The following ANOS1 variants were observed in gnomAD, a reference collection of about 807,000 sequenced individuals.
ANOS1 encodes the protein anosmin 1, also known as anosmin-1.
A neutral mutation model predicts 59.0 loss-of-function variants in ANOS1; 6 were observed. The ratio of observed to expected loss-of-function variants is 0.10; its 90% CI spans 0.06 to 0.20. ANOS1 has a LOEUF of 0.20. ANOS1 is among the 10% of genes least tolerant of loss of function. The pLI is 1.00. For synonymous variants in ANOS1, 217 were observed against 223.4 expected, an observed-to-expected ratio of 0.97 and a Z score of 0.25; for missense variants, 433 against 542.3, an observed-to-expected ratio of 0.80 and a Z score of 2.00.
chrX:8,677,481 T>A (rs73199059), intron 2 of ANOS1, among the ~76,000 whole-genome samples: 1 of 111,678 alleles, frequency 9.0e-6, no homozygotes, highest in Non-Finnish European at 1.9e-5. Flanking sequence ...AAGATAAATG[T>A]TGGACGGATG....
chrX:8,603,888 G>C (rs954785071), intron 3 of ANOS1, among the ~76,000 whole-genome samples: 2 of 111,454 alleles, frequency 1.8e-5, no homozygotes, highest in Non-Finnish European at 3.8e-5. Flanking sequence ...TTCCTAAAGT[G>C]AGTGCTCCAT....
At chrX:8,699,677 A>G in intron 2 of ANOS1, 21 bp downstream of exon 2, 2 of 1,167,634 alleles carry the variant, frequency 1.7e-6, no homozygotes, top group East Asian at 3.0e-5. Context: ...TGCACCATTC[A>G]TACAGGTATA....
chrX:8,594,241 T>C (rs1196508792), intron 4 of ANOS1, among the ~76,000 whole-genome samples: 2 of 110,562 alleles, frequency 1.8e-5, no homozygotes, highest in East Asian at 5.8e-4. Context: ...GGAGGCAATC[T>C]TATTTCACAT....
At chrX:8,633,512 T>C (rs924190639) in intron 2 of ANOS1, among the ~76,000 whole-genome samples, 1 of 112,033 alleles carries the variant, frequency 8.9e-6, no homozygotes, top group African/African-American at 3.2e-5. Flanking sequence ...TCTTCTAATA[T>C]GGCATTTTTG....
intron 3 of ANOS1, among the ~76,000 whole-genome samples, chrX:8,608,624 T>G (rs761684582): frequency 9.8e-5 from 11 of 112,251 alleles, no homozygotes; most frequent in Non-Finnish European, 2.1e-4. Flanking sequence ...AGAAACTAAC[T>G]GATATGATTA....
chrX:8,588,680 A>C (rs182587803), intron 4 of ANOS1, among the ~76,000 whole-genome samples: 162 of 112,409 alleles, frequency 1.4e-3, no homozygotes, highest in African/African-American at 4.9e-3. Flanking sequence ...AGTTTCTCAC[A>C]GGTGTTTCAT....
chrX:8,556,595 A>T (rs1929954038), intron 8 of ANOS1, among the ~76,000 whole-genome samples: 1 of 111,497 alleles, frequency 9.0e-6, no homozygotes, highest in African/African-American at 3.3e-5. Context: ...AAAGACAATA[A>T]AATACCTAGG....
intron 2 of ANOS1, among the ~76,000 whole-genome samples, chrX:8,632,767 G>A (rs1336686673): frequency 1.9e-5 from 2 of 102,833 alleles, no homozygotes; most frequent in African/African-American, 7.7e-5. Context: ...TAAGCCTTGG[G>A]GTTCTTAAAA....
chrX:8,576,140 C>T (rs778276474), intron 6 of ANOS1, among the ~76,000 whole-genome samples: 26 of 110,343 alleles, frequency 2.4e-4, no homozygotes, highest in Non-Finnish European at 1.7e-4. Context: ...GAAAACAAAA[C>T]CAAAAGAGAG....
At chrX:8,657,492 G>A (rs1305968852) in intron 2 of ANOS1, among the ~76,000 whole-genome samples, 7 of 91,443 alleles carry the variant, frequency 7.7e-5, no homozygotes, top group Admixed American at 3.7e-4. Flanking sequence ...TTTTTTTTAC[G>A]GAGTCTTGCT....
chrX:8,558,671 C>T (rs755345950), intron 8 of ANOS1, among the ~76,000 whole-genome samples: 170 of 111,203 alleles, frequency 1.5e-3, no homozygotes, highest in African/African-American at 5.3e-3. Context: ...AAAACCTATA[C>T]GTAATGTGGA....
At position 8,597,232 on chromosome X, in the gene ANOS1, C is replaced by T. The variant is rs1230216620; in HGVS notation, c.343G>A (p.Glu115Lys). The T allele has an allele frequency of 1.9e-5, 23 of 1,208,797 alleles. No homozygotes were observed. Among genetic ancestry groups the T allele is most frequent in the East Asian group, 3.0e-5 (1 of 33,766 alleles). ...CEPLFPKKSY[E>K]CLTSCEFLKY... ...AGGAACTCACAGCTGGTCAAGCATT[C>T]GTAGCTCTTCTTGGGGAAGAGAGGC... is the stretch of plus-strand genomic sequence containing the variant. Residue 115 changes from glutamate (E) to lysine (K), a missense_variant, in exon 4 of 14, where the codon GAA becomes AAA. Glu to Lys is a moderately conservative substitution (Grantham distance 56). Coordinates refer to ENST00000262648, the MANE Select transcript of ANOS1 (RefSeq NM_000216.4).
intron 9 of ANOS1, among the ~76,000 whole-genome samples, chrX:8,546,108 C>T (rs746576303): frequency 2.8e-4 from 31 of 111,910 alleles, no homozygotes; most frequent in East Asian, 5.6e-4. Flanking sequence ...ATTCACATTC[C>T]GTACAGTGCT....
chrX:8,633,635 C>T (rs1480107155), intron 2 of ANOS1, among the ~76,000 whole-genome samples: 1 of 111,509 alleles, frequency 9.0e-6, no homozygotes, highest in African/African-American at 3.3e-5. Flanking sequence ...GCAGAGCGCA[C>T]CTTAACAAAA....
rs999796537 is a variant in ANOS1 at position 8,638,960 on chromosome X, G to A, written c.256-15290C>T. 5.4e-5 allele frequency among the ~76,000 whole-genome samples: 6 copies of A among 111,184 alleles called. No individual in the cohort carries two copies. In the South Asian group the frequency reaches 2.3e-3, roughly 43 times the overall value. On this transcript the variant is annotated intron_variant, in intron 2 of 13. Transcript: ENST00000262648. ...AGAAAAGAAAATGATTCTTATTGAAGACATGTACGTTTCCTTTATCAGAGA... is the reference window on the plus strand; with the variant it reads ...AGAAAAGAAAATGATTCTTATTGAAAACATGTACGTTTCCTTTATCAGAGA...
chrX:8,701,093 T>C (rs1932753018), intron 1 of ANOS1, among the ~76,000 whole-genome samples: 2 of 111,364 alleles, frequency 1.8e-5, no homozygotes, highest in African/African-American at 3.3e-5. Flanking sequence ...AACTAAGATT[T>C]TGGTGATTTT....
At chrX:8,624,819 A>G (rs1245427687) in intron 2 of ANOS1, among the ~76,000 whole-genome samples, 3 of 110,409 alleles carry the variant, frequency 2.7e-5, no homozygotes, top group Admixed American at 9.8e-5. Flanking sequence ...AAATATATAT[A>G]CTCTGAGGCC....
intron 2 of ANOS1, among the ~76,000 whole-genome samples, chrX:8,679,777 G>A (rs1932392233): frequency 9.0e-6 from 1 of 111,352 alleles, no homozygotes; most frequent in South Asian, 3.8e-4. Flanking sequence ...TAGCTCTCAC[G>A]CTGGGCGCGG....
intron 2 of ANOS1, among the ~76,000 whole-genome samples, chrX:8,682,825 A>AT (rs1487850428): frequency 2.7e-5 from 3 of 111,981 alleles, no homozygotes; most frequent in Admixed American, 9.5e-5. Context: ...CACAAAAAAA[A>AT]GCAGAGTCAT....
Sources: allele counts gnomAD v4.1 joint callset (sites outside exome capture counted in the v4.1 genomes callset), GRCh38; gene constraint gnomAD v4.1.1; transcripts MANE v1.5; gene names NCBI Gene and HGNC (gene_info 2026-07-23, HGNC 2026-07-21).